The following RAD50 variants were observed in gnomAD, a reference collection of about 807,000 sequenced individuals.
RAD50 encodes the protein RAD50 double strand break repair protein.
Under a neutral mutation model 168.8 loss-of-function variants are expected in RAD50, and 132 were observed. The observed-to-expected ratio is 0.78, with a 90% confidence interval of 0.68 to 0.90. RAD50 has a LOEUF of 0.90. Ranked by LOEUF, RAD50 falls within the 40% of genes least tolerant of loss-of-function variation. The pLI is 0.00. For synonymous variants in RAD50, 525 were observed against 497.4 expected, an observed-to-expected ratio of 1.06 and a Z score of -0.74; for missense variants, 1,347 against 1,534.4, an observed-to-expected ratio of 0.88 and a Z score of 2.04.
intron 21 of RAD50, among the ~76,000 whole-genome samples, chr5:132,631,332 G>T (rs971448412): frequency 1.3e-5 from 2 of 152,000 alleles, no homozygotes; most frequent in African/African-American, 4.8e-5. Context: ...GTTGGCCAGG[G>T]TGGTCTCTAA....
intron 20 of RAD50, 91 bp from the exon 21 acceptor site, chr5:132,617,979 C>T: frequency 4.8e-6 from 5 of 1,047,384 alleles, no homozygotes; most frequent in Non-Finnish European, 7.5e-6. Context: ...GAGAATGATA[C>T]TTAACCTATC....
chr5:132,599,642 C>G (rs780129883), intron 13 of RAD50, among the ~76,000 whole-genome samples: 2 of 151,976 alleles, frequency 1.3e-5, no homozygotes, highest in African/African-American at 2.4e-5. Flanking sequence ...ATCGAAGCCT[C>G]GAACTCCTAA....
At chr5:132,624,147 G>A (rs531343654) in intron 21 of RAD50, among the ~76,000 whole-genome samples, 10 of 152,220 alleles carry the variant, frequency 6.6e-5, no homozygotes, top group South Asian at 4.2e-4. Flanking sequence ...GAGTGGGTAC[G>A]TTAACATTAC....
intron 9 of RAD50, among the ~76,000 whole-genome samples, 166 bp from the exon 10 acceptor site, chr5:132,591,058 A>G (rs1225559046): frequency 1.3e-5 from 2 of 152,190 alleles, no homozygotes; most frequent in Admixed American, 6.5e-5. Flanking sequence ...TTAATAAGAT[A>G]TACCTTAGAG....
intron 5 of RAD50, among the ~76,000 whole-genome samples, chr5:132,586,496 A>G (rs1270897681): frequency 2.0e-5 from 3 of 152,202 alleles, no homozygotes; most frequent in Admixed American, 1.3e-4. Flanking sequence ...CACCTATTGC[A>G]TGTTCTGGGG....
chr5:132,578,762 C>T (rs1183085765), intron 3 of RAD50, among the ~76,000 whole-genome samples: 1 of 151,970 alleles, frequency 6.6e-6, no homozygotes, highest in Non-Finnish European at 1.5e-5. Flanking sequence ...CTCCTGACCT[C>T]AGGTGATCCA....
chr5:132,564,345 G>T (rs918392958), intron 2 of RAD50, among the ~76,000 whole-genome samples: 1 of 152,198 alleles, frequency 6.6e-6, no homozygotes, highest in Non-Finnish European at 1.5e-5. Context: ...AGCTTACTGA[G>T]AACTGGAGTA....
chr5:132,641,888 C>T (rs1158892401), intron 24 of RAD50: 2 of 401,078 alleles, frequency 5.0e-6, no homozygotes, highest in Non-Finnish European at 9.0e-6. Context: ...TTTATACCTG[C>T]TTTAGTGAGA....
At chr5:132,635,425 A>G (rs1488590331) in intron 21 of RAD50, among the ~76,000 whole-genome samples, 4 of 152,214 alleles carry the variant, frequency 2.6e-5, no homozygotes, top group South Asian at 2.1e-4. Context: ...TAGTAGACAG[A>G]GAGGATACGA....
chr5:132,582,101 G>A (rs1401895133), intron 5 of RAD50, among the ~76,000 whole-genome samples: 2 of 152,150 alleles, frequency 1.3e-5, no homozygotes, highest in Non-Finnish European at 2.9e-5. Context: ...GAGACATAGA[G>A]ACAGTAAAAT....
chr5:132,623,009 G>A (rs540004318), intron 21 of RAD50, among the ~76,000 whole-genome samples: 1 of 152,212 alleles, frequency 6.6e-6, no homozygotes, highest in Admixed American at 6.5e-5. Flanking sequence ...CCAAGACTTT[G>A]AATTTTCAAC....
intron 2 of RAD50, among the ~76,000 whole-genome samples, chr5:132,573,335 A>G (rs548280642): frequency 1.3e-5 from 2 of 152,304 alleles, no homozygotes; most frequent in East Asian, 1.9e-4. Flanking sequence ...TGGAAGGTGA[A>G]AGTCATGTCT....
chr5:132,562,183 A>G (rs919087460), intron 2 of RAD50, among the ~76,000 whole-genome samples: 3 of 152,204 alleles, frequency 2.0e-5, no homozygotes, highest in African/African-American at 7.2e-5. Flanking sequence ...GAGAGACTAG[A>G]TCCTGTAGGT....
chr5:132,643,751 G>T lies in RAD50; in HGVS notation c.*1387G>T. On this transcript the variant is annotated 3_prime_UTR_variant, in exon 25 of 25. Coordinates refer to ENST00000378823, the MANE Select transcript of RAD50 (RefSeq NM_005732.4). ...GGGGGGGGGTCCTAAATGTAATCAC[G>T]AGTAAGATTAAGAGCAAATCAATTC... 4.4e-6 allele frequency: 1 copy of T among 227,440 alleles called. No individual in the cohort carries two copies. The allele number at this position is 227,440 out of a possible 1,614,324, so 14.1% of individuals were successfully genotyped here. A position where few individuals can be genotyped will look rare whatever the true frequency, so the allele number is the denominator to read the frequency against.
At chr5:132,576,044 CT>C in intron 3 of RAD50, 116 bp downstream of exon 3, 1 of 1,070,660 alleles carries the variant, frequency 9.3e-7, no homozygotes. Context: ...TTTCAATAGA[CT>C]TTAGACTTTA....
At chr5:132,560,051 T>TACAC (rs143575412) in intron 2 of RAD50, among the ~76,000 whole-genome samples, 3,501 of 147,632 alleles carry the variant, frequency 0.024, 78 homozygotes, top group East Asian at 0.088. Context: ...GAAACAACAA[T>TACAC]ACACACACAC....
intron 19 of RAD50, among the ~76,000 whole-genome samples, chr5:132,615,053 T>G (rs1751152581): frequency 6.6e-6 from 1 of 152,204 alleles, no homozygotes; most frequent in African/African-American, 2.4e-5. Context: ...AGCTCCCTCT[T>G]TGAGAAATCC....
intron 2 of RAD50, among the ~76,000 whole-genome samples, chr5:132,569,815 A>G (rs1437647326): frequency 3.3e-5 from 5 of 152,220 alleles, no homozygotes. Context: ...AGTAGCAGAA[A>G]AGTATCCGGA....
chr5:132,635,193 T>G (rs2237060), intron 21 of RAD50, among the ~76,000 whole-genome samples: 43,438 of 152,158 alleles, frequency 0.29, 7,919 homozygotes, highest in Non-Finnish European at 0.41. Context: ...GTCACTGATT[T>G]CATTGAATCT....
Sources: allele counts gnomAD v4.1 joint callset (sites outside exome capture counted in the v4.1 genomes callset), GRCh38; gene constraint gnomAD v4.1.1; transcripts MANE v1.5; gene names NCBI Gene and HGNC (gene_info 2026-07-23, HGNC 2026-07-21).